Variants in DUSP6 observed in about 807,000 individuals in gnomAD.
The protein encoded by DUSP6 is dual specificity phosphatase 6.
Under a neutral mutation model 28.0 loss-of-function variants are expected in DUSP6, and 6 were observed. The observed-to-expected ratio is 0.21, with a 90% CI of 0.12 to 0.42. The LOEUF (loss-of-function observed/expected upper bound fraction) is 0.42, where lower values mean the gene tolerates loss of function less well. Ranked by LOEUF, DUSP6 falls within the 10% of genes least tolerant of loss-of-function variation. The pLI, the probability that DUSP6 is intolerant of heterozygous loss-of-function variation, is 1.00. For missense variants in DUSP6, 451 were observed against 498.1 expected, an observed-to-expected ratio of 0.91 and a Z score of 0.90; for synonymous variants, 252 against 217.5, an observed-to-expected ratio of 1.16 and a Z score of -1.40.
Position 89,349,436 on chromosome 12 carries a change from T to A in DUSP6, c.964A>T (p.Ile322Phe), listed in dbSNP as rs911964309. 2 of 1,614,016 alleles carry A rather than the reference T, an allele frequency of 1.2e-6. No individual in the cohort carries two copies. The highest frequency in any genetic ancestry group is 2.7e-5 in the African/African-American group (2 of 74,894). The part of the protein sequence containing the change: ...LNLSMNDAYD[I>F]VKMKKSNISP... ...ATGTTGGATTTTTTCATTTTGACAA[T>A]GTCATAGGCATCGTTCATCGACAGA... Residue 322 changes from isoleucine (I) to phenylalanine (F), a missense_variant, in exon 3 of 3, where the codon ATT becomes TTT. This residue lies in a region of DUSP6 where 104 missense variants were observed against 151.4 expected (regional missense o/e 0.69). Coordinates refer to ENST00000279488, the MANE Select transcript of DUSP6 (RefSeq NM_001946.4).
chr12:89,350,428 T>C (rs1879141955), intron 2 of DUSP6, among the ~76,000 whole-genome samples, 160 bp downstream of exon 2: 1 of 152,138 alleles, frequency 6.6e-6, no homozygotes, highest in African/African-American at 2.4e-5. Context: ...TTTCTTCCTT[T>C]AGCAAGAAGA....
At chr12:89,350,023 G>A (rs1478005694) in intron 2 of DUSP6, among the ~76,000 whole-genome samples, 1 of 152,162 alleles carries the variant, frequency 6.6e-6, no homozygotes, top group Non-Finnish European at 1.5e-5. Context: ...GCCTGAAAAT[G>A]AGTTCCTTTG....
At chr12:89,351,542 C>T in intron 1 of DUSP6, 98 bp downstream of exon 1, 2 of 1,439,770 alleles carry the variant, frequency 1.4e-6, no homozygotes, top group Non-Finnish European at 1.8e-6. Flanking sequence ...CTCCGAAGCT[C>T]CAGCTGAGCG....
Position 89,349,188 on chromosome 12 carries a change from CTGA to C in DUSP6, c.*63_*65del. 6.6e-7 allele frequency: 1 copy of C among 1,518,948 alleles called. No individual in the cohort carries two copies. The highest frequency in any genetic ancestry group is 1.3e-5 in the South Asian group (1 of 79,576). 94.1% of individuals were successfully genotyped at this position (1,518,948 alleles called of 1,614,324 possible). A position where few individuals can be genotyped will look rare whatever the true frequency, so the allele number is the denominator to read the frequency against. On this transcript the variant is annotated 3_prime_UTR_variant, in exon 3 of 3. Transcript: ENST00000279488. ...GCCACACACAAAGAAAGCAGCCCAG[CTGA>C]TGCTGCCAAGAGAAACTGCTGAAGG...
Position 89,351,181 on chromosome 12 carries a change from C to G in DUSP6, c.401-156G>C, listed in dbSNP as rs533078698. ...AAGAGAAACACACTTTAAATGTGCA[C>G]CATCGGGAATGGAACGAACGGGCCC... On this transcript the variant is annotated intron_variant, in intron 1 of 2. Coordinates refer to ENST00000279488, the MANE Select transcript of DUSP6 (RefSeq NM_001946.4). 3.4e-6 allele frequency: 3 copies of G among 875,500 alleles called. No individual in the cohort carries two copies. In the East Asian group the frequency reaches 8.0e-5, roughly 23 times the overall value. 54.2% of individuals were successfully genotyped at this position (875,500 alleles called of 1,614,324 possible).
chr12:89,352,185 G>T lies in DUSP6; in HGVS notation c.-146C>A. Reference sequence around the variant, plus strand: ...TACCCAAGCCGAGGCTAGCGGTTGGGGCAGACGAGACAGAAGTAAAGCCGG... The same window carrying T: ...TACCCAAGCCGAGGCTAGCGGTTGGTGCAGACGAGACAGAAGTAAAGCCGG... On this transcript the variant is annotated 5_prime_UTR_variant, in exon 1 of 3. Coordinates refer to ENST00000279488, the MANE Select transcript of DUSP6 (RefSeq NM_001946.4). 1 of 1,269,142 alleles carries T rather than the reference G, an allele frequency of 7.9e-7. No individual in the cohort carries two copies. Among genetic ancestry groups the T allele is most frequent in the Non-Finnish European group, 1.1e-6 (1 of 928,634 alleles). 78.6% of individuals were successfully genotyped at this position (1,269,142 alleles called of 1,614,324 possible).
chr12:89,348,024 C>T lies in DUSP6; in HGVS notation c.*1230G>A, dbSNP rs1879037638. 2 of 152,262 alleles carry T rather than the reference C, an allele frequency of 1.3e-5. No individual in the cohort carries two copies. Among genetic ancestry groups the T allele is most frequent in the Non-Finnish European group, 2.9e-5 (2 of 67,934 alleles). The allele number at this position is 152,262 out of a possible 1,614,324, so 9.4% of individuals were successfully genotyped here. On this transcript the variant is annotated 3_prime_UTR_variant, in exon 3 of 3. Coordinates refer to ENST00000279488, the MANE Select transcript of DUSP6 (RefSeq NM_001946.4). Reference sequence around the variant, plus strand: ...GAAAAAGTTCTAAAATGTGTCACTTCACACATAGGTATAACTGAGTTTTTA... The same window carrying T: ...GAAAAAGTTCTAAAATGTGTCACTTTACACATAGGTATAACTGAGTTTTTA...
At position 89,349,248 on chromosome 12, in the gene DUSP6, G is replaced by A. The variant is rs781765603; in HGVS notation, c.*6C>T. 1.2e-6 allele frequency: 2 copies of A among 1,602,564 alleles called. No individual in the cohort carries two copies. Among genetic ancestry groups the A allele is most frequent in the South Asian group, 1.1e-5 (1 of 90,494 alleles). On this transcript the variant is annotated 3_prime_UTR_variant, in exon 3 of 3. Transcript: ENST00000279488. ...CACATTCCAGCAAGGAGGGGTGTGG[G>A]GTCTTTCACGTAGATTGCAGAGAGT...
At position 89,349,169 on chromosome 12, in the gene DUSP6, C is replaced by T; in HGVS notation, c.*85G>A. 6.9e-7 allele frequency: 1 copy of T among 1,450,466 alleles called. No homozygotes were observed. The highest frequency in any genetic ancestry group is 9.3e-7 in the Non-Finnish European group (1 of 1,074,016). The allele number at this position is 1,450,466 out of a possible 1,614,324, so 89.8% of individuals were successfully genotyped here. ...TGTCATTTTGACACCTGGGGCCACA[C>T]ACAAAGAAAGCAGCCCAGCTGATGC... On this transcript the variant is annotated 3_prime_UTR_variant, in exon 3 of 3. Coordinates refer to ENST00000279488, the MANE Select transcript of DUSP6 (RefSeq NM_001946.4).
intron 1 of DUSP6, 26 bp downstream of exon 1, chr12:89,351,612 CCG>C: frequency 6.4e-7 from 1 of 1,572,618 alleles, no homozygotes; most frequent in African/African-American, 1.4e-5. Context: ...TAGCCCTGCC[CCG>C]CGCGCGGAGT....
chr12:89,350,606 C>T lies in DUSP6; in HGVS notation c.820G>A (p.Glu274Lys). Residue 274 changes from glutamate (E) to lysine (K), a missense_variant, in exon 2 of 3, where the codon GAG (glutamate) becomes AAG (lysine). Physicochemically the swap from Glu to Lys is moderately conservative, Grantham distance 56 (BLOSUM62 1). Around this residue, in one of 2 missense-constraint regions of DUSP6, gnomAD observed 104 missense variants for 151.4 expected, o/e 0.69. Transcript: ENST00000279488. ...GTCTCACCTATGAAAGAAATGGCCTCAGGGAAAAACTGGGACAGGTTTTGG... is the reference window on the plus strand; with the variant it reads ...GTCTCACCTATGAAAGAAATGGCCTTAGGGAAAAACTGGGACAGGTTTTGG... ...WSQNLSQFFP[E>K]AISFIDEARG... The T allele has an allele frequency of 6.2e-7, 1 of 1,613,482 alleles. No individual in the cohort carries two copies. Among genetic ancestry groups the T allele is most frequent in the Non-Finnish European group, 8.5e-7 (1 of 1,179,528 alleles).
rs1425900156 is a variant in DUSP6 at position 89,350,831 on chromosome 12, G to A, written c.595C>T (p.Leu199=). Residue 199 remains leucine, a synonymous_variant, in exon 2 of 3, where the codon CTG becomes TTG. Transcript: ENST00000279488. ...NSATDSDGSP[L]SNSQPSFPVE... ...GGGAAGGAAGGCTGGCTGTTGGACA[G>A]CGGACTACCATCCGAGTCTGTTGCA... The A allele has an allele frequency of 6.2e-7, 1 of 1,614,014 alleles. No individual in the cohort carries two copies. The highest frequency in any genetic ancestry group is 1.3e-5 in the African/African-American group (1 of 74,906).
In DUSP6 at chr12:89,349,493, C is replaced by G; in HGVS notation, c.907G>C (p.Val303Leu). 1 of 1,614,142 alleles carries G rather than the reference C, an allele frequency of 6.2e-7. No homozygotes were observed. Among genetic ancestry groups the G allele is most frequent in the Non-Finnish European group, 8.5e-7 (1 of 1,179,994 alleles). Residue 303 changes from valine (V) to leucine (L), a missense_variant, in exon 3 of 3, where the codon GTG becomes CTG. This residue lies in a region of DUSP6 where 104 missense variants were observed against 151.4 expected (regional missense o/e 0.69). Transcript: ENST00000279488. ...CLAGISRSVT[V>L]TVAYLMQKLN... ...TTCTGCATAAGGTAAGCCACAGTCA[C>G]AGTGACTGAGCGGCTAATGCCAGCC...
Position 89,349,500 on chromosome 12 carries a change from T to C in DUSP6, c.900A>G (p.Ser300=). 6.2e-7 allele frequency: 1 copy of C among 1,614,168 alleles called. No individual in the cohort carries two copies. Among genetic ancestry groups the C allele is most frequent in the Non-Finnish European group, 8.5e-7 (1 of 1,180,002 alleles). ...LVHCLAGISR[S]VTVTVAYLMQ... ...TAAGGTAAGCCACAGTCACAGTGAC[T>C]GAGCGGCTAATGCCAGCCAAGCAAT... The change falls in exon 3 of 3, where the codon TCA becomes TCG. Residue 300 remains serine, a synonymous_variant. Transcript: ENST00000279488.
Position 89,352,140 on chromosome 12 carries a change from G to C in DUSP6, c.-101C>G. On this transcript the variant is annotated 5_prime_UTR_variant, in exon 1 of 3. Transcript: ENST00000279488. ...CGCGAAGCTGCCGCTCTCGGAGCGG[G>C]GTTTAATTCCGCCTCGCCTTACCCA... 4.7e-6 allele frequency: 7 copies of C among 1,505,344 alleles called. No homozygotes were observed. Among genetic ancestry groups the C allele is most frequent in the Non-Finnish European group, 6.2e-6 (7 of 1,121,886 alleles). The allele number at this position is 1,505,344 out of a possible 1,614,324, so 93.2% of individuals were successfully genotyped here. A position where few individuals can be genotyped will look rare whatever the true frequency, so the allele number is the denominator to read the frequency against.
rs1288785970 is a variant in DUSP6, at chr12:89,351,754, C to A, written c.286G>T (p.Val96Leu). 3.1e-6 allele frequency: 5 copies of A among 1,608,036 alleles called. No individual in the cohort carries two copies. Among genetic ancestry groups the A allele is most frequent in the African/African-American group, 1.3e-5 (1 of 74,886 alleles). ...TCGCTGCTGCTCTCGTCGTAGAGCACCACTGTGTCGGTGCCACAGCGCCGG... is the reference window on the plus strand; with the variant it reads ...TCGCTGCTGCTCTCGTCGTAGAGCAACACTGTGTCGGTGCCACAGCGCCGG... ...FTRRCGTDTV[V>L]LYDESSSDWN... Residue 96 changes from valine (V) to leucine (L), a missense_variant, in exon 1 of 3, where the codon GTG (valine) becomes TTG (leucine). This residue lies in a region of DUSP6 where 347 missense variants were observed against 346.6 expected (regional missense o/e 1.00). Coordinates refer to ENST00000279488, the MANE Select transcript of DUSP6 (RefSeq NM_001946.4).
rs1405639262 is a variant in DUSP6 at position 89,349,461 on chromosome 12, A to AT, written c.938dup (p.Asn313LysfsTer9). The AT allele has an allele frequency of 6.2e-7, 1 of 1,614,032 alleles. No homozygotes were observed. Among genetic ancestry groups the AT allele is most frequent in the Non-Finnish European group, 8.5e-7 (1 of 1,180,014 alleles). ...TGTCATAGGCATCGTTCATCGACAG[A>AT]TTGAGCTTCTGCATAAGGTAAGCCA... is the stretch of plus-strand genomic sequence containing the variant. On this transcript the variant is annotated frameshift_variant, in exon 3 of 3. Transcript: ENST00000279488. LOFTEE classifies it high-confidence loss of function.
Position 89,350,842 on chromosome 12 carries a change from T to A in DUSP6, c.584A>T (p.Asp195Val), listed in dbSNP as rs759744600. Residue 195 changes from aspartate (D) to valine (V), a missense_variant, in exon 2 of 3, where the codon GAT becomes GTT. Asp to Val is a radical substitution (Grantham distance 152, BLOSUM62 -3). Coordinates refer to ENST00000279488, the MANE Select transcript of DUSP6 (RefSeq NM_001946.4). ...DRDPNSATDS[D>V]GSPLSNSQPS... ...CTGGCTGTTGGACAGCGGACTACCA[T>A]CCGAGTCTGTTGCACTATTGGGGTC... 6.2e-7 allele frequency: 1 copy of A among 1,613,974 alleles called. No homozygotes were observed. The highest frequency in any genetic ancestry group is 8.5e-7 in the Non-Finnish European group (1 of 1,179,992).
At chr12:89,351,080 A>G in intron 1 of DUSP6, 55 bp from the exon 2 acceptor site, 2 of 1,515,316 alleles carry the variant, frequency 1.3e-6, no homozygotes, top group Non-Finnish European at 1.8e-6. Context: ...TAGTTTTCAC[A>G]GCTTGTAAGA....
Sources: allele counts gnomAD v4.1 joint callset (sites outside exome capture counted in the v4.1 genomes callset), GRCh38; gene constraint gnomAD v4.1.1; regional missense constraint gnomAD v4.1.1; transcripts MANE v1.5; gene names NCBI Gene and HGNC (gene_info 2026-07-23, HGNC 2026-07-21).